KLC2: variants seen among roughly 807,000 people sequenced by gnomAD.
KLC2 encodes the protein KLC 2.
Under a neutral mutation model 75.1 loss-of-function variants are expected in KLC2, and 35 were observed. The observed-to-expected ratio is 0.47, with a 90% CI of 0.36 to 0.62. The LOEUF (loss-of-function observed/expected upper bound fraction) is 0.62. Ranked by LOEUF, KLC2 falls within the 20% of genes least tolerant of loss-of-function variation. KLC2 has a pLI of 0.00. For synonymous variants in KLC2, 314 were observed against 336.7 expected, an observed-to-expected ratio of 0.93 and a Z score of 0.74; for missense variants, 611 against 833.2, an observed-to-expected ratio of 0.73 and a Z score of 3.28.
In KLC2 at chr11:66,259,049, G is replaced by A. The variant is rs1429889510; in HGVS notation, c.228+227G>A. Among the ~76,000 whole-genome samples, 5 of 152,200 alleles carry A rather than the reference G, an allele frequency of 3.3e-5. No homozygotes were observed. In the East Asian group the frequency reaches 9.7e-4, roughly 29 times the overall value. On this transcript the variant is annotated intron_variant, in intron 2 of 15. Coordinates refer to ENST00000394067, the MANE Select transcript of KLC2 (RefSeq NM_001318734.2). ...TGCCCCCACGCAGAGCCCCATTTCCGGCTCCCCTCTACCTAAGGGAGACTG... is the reference window on the plus strand; with the variant it reads ...TGCCCCCACGCAGAGCCCCATTTCCAGCTCCCCTCTACCTAAGGGAGACTG...
chr11:66,261,686 A>G, intron 2 of KLC2, 56 bp from the exon 3 acceptor site: 1 of 1,183,980 alleles, frequency 8.4e-7, no homozygotes. Flanking sequence ...CCCAGGCTAC[A>G]GTCATAGGCG....
rs1175745995 is a variant in KLC2 at position 66,265,254 on chromosome 11, G to A, written c.1334+19G>A. Reference sequence around the variant, plus strand: ...TAGACAGGTGAGTGGGGCGGGGCTGGGCTGGGGAGCAGGGCACGGCAGGGC... The same window carrying A: ...TAGACAGGTGAGTGGGGCGGGGCTGAGCTGGGGAGCAGGGCACGGCAGGGC... On this transcript the variant is annotated intron_variant, in intron 11 of 15. Transcript: ENST00000394067. 6.5e-7 allele frequency: 1 copy of A among 1,541,054 alleles called. No homozygotes were observed. Among genetic ancestry groups the A allele is most frequent in the Non-Finnish European group, 9.0e-7 (1 of 1,113,714 alleles).
Position 66,267,550 on chromosome 11 carries a change from T to A in KLC2, c.*594T>A, listed in dbSNP as rs1856927307. ...CTCCTCCTGGCCTCTGAGGGATGCGTCCTACCCGCGCCATCGCCCCGTGGC... is the reference window on the plus strand; with the variant it reads ...CTCCTCCTGGCCTCTGAGGGATGCGACCTACCCGCGCCATCGCCCCGTGGC... On this transcript the variant is annotated 3_prime_UTR_variant, in exon 16 of 16. Coordinates refer to ENST00000394067, the MANE Select transcript of KLC2 (RefSeq NM_001318734.2). The A allele has an allele frequency of 1.6e-6, 1 of 635,920 alleles. No homozygotes were observed. The highest frequency in any genetic ancestry group is 2.5e-5 in the Admixed American group (1 of 39,350). 39.4% of individuals were successfully genotyped at this position (635,920 alleles called of 1,614,324 possible).
chr11:66,262,868 C>T lies in KLC2; in HGVS notation c.584C>T (p.Pro195Leu). Reference protein sequence around the residue: ...VSGQHGGYEIPARLRTLHNLV... With the variant: ...VSGQHGGYEILARLRTLHNLV... ...GGTCAGCATGGGGGCTACGAGATCC[C>T]GGCCCGGCTCCGCACCCTGCACAAC... The change falls in exon 5 of 16, where the codon CCG becomes CTG. Residue 195 changes from proline (P) to leucine (L), a missense_variant. Pro to Leu is a moderately conservative substitution (Grantham distance 98, BLOSUM62 -3). Transcript: ENST00000394067. The T allele has an allele frequency of 1.2e-6, 2 of 1,613,734 alleles. No individual in the cohort carries two copies. Among genetic ancestry groups the T allele is most frequent in the Non-Finnish European group, 1.7e-6 (2 of 1,179,948 alleles).
At position 66,261,758 on chromosome 11, in the gene KLC2, C is replaced by T. The variant is rs1370591011; in HGVS notation, c.245C>T (p.Ser82Leu). 3.1e-6 allele frequency: 5 copies of T among 1,611,258 alleles called. No individual in the cohort carries two copies. The East Asian group carries it at 6.7e-5, about 22-fold the overall frequency. The part of the protein sequence containing the change: ...LGEAQVILAL[S>L]SHLGAVESEK... ...GTTGCACAGGTGATCTTGGCATTGTCGAGCCACCTGGGGGCTGTAGAATCA... is the reference window on the plus strand; with the variant it reads ...GTTGCACAGGTGATCTTGGCATTGTTGAGCCACCTGGGGGCTGTAGAATCA... The change falls in exon 3 of 16, where the codon TCG becomes TTG. Residue 82 changes from serine (S) to leucine (L), a missense_variant. Coordinates refer to ENST00000394067, the MANE Select transcript of KLC2 (RefSeq NM_001318734.2).
chr11:66,262,249 T>C, intron 4 of KLC2, 57 bp downstream of exon 4: 5 of 1,397,568 alleles, frequency 3.6e-6, no homozygotes, highest in Non-Finnish European at 5.1e-6. Context: ...CTCTTGGTCC[T>C]TGGGACCGAG....
intron 8 of KLC2, 29 bp from the exon 9 acceptor site, chr11:66,264,316 C>G (rs182218275): frequency 6.3e-7 from 1 of 1,594,248 alleles, no homozygotes; most frequent in African/African-American, 1.3e-5. Context: ...GCATGCATCC[C>G]GCTCACTCTC....
At chr11:66,261,705 G>T in intron 2 of KLC2, 37 bp from the exon 3 acceptor site, 2 of 1,452,390 alleles carry the variant, frequency 1.4e-6, no homozygotes, top group South Asian at 2.4e-5. Flanking sequence ...CGAGGGGGTC[G>T]ACAGGCCTCC....
upstream of KLC2, among the ~76,000 whole-genome samples, chr11:66,253,117 G>A (rs1046853561): frequency 4.0e-5 from 6 of 151,154 alleles, no homozygotes; most frequent in Non-Finnish European, 7.4e-5. Context: ...ACAGGCAAGA[G>A]CTACCACACC....
the KLC2 span, among the ~76,000 whole-genome samples, chr11:66,245,714 CAAA>C: frequency 7.8e-6 from 1 of 128,806 alleles, no homozygotes. Context: ...GACTCCGTCT[CAAA>C]AAAAAAAAAA....
chr11:66,262,026 G>C, intron 3 of KLC2, 54 bp downstream of exon 3: 1 of 1,589,552 alleles, frequency 6.3e-7, no homozygotes, highest in Non-Finnish European at 8.6e-7. Context: ...GGAGCAGGGA[G>C]GGGCAGCATG....
chr11:66,258,357 C>G, intron 1 of KLC2: 2 of 559,562 alleles, frequency 3.6e-6, no homozygotes, highest in Admixed American at 6.4e-5. Context: ...AGCCGGTGGT[C>G]TGGGGCCGAA....
chr11:66,267,434 C>T lies in KLC2; in HGVS notation c.*478C>T, dbSNP rs978985329. ...CCTCTTCTAGTGGTACCGCCCAGGCCTTAATCACCCCCATTCCGTGCGGTG... is the reference window on the plus strand; with the variant it reads ...CCTCTTCTAGTGGTACCGCCCAGGCTTTAATCACCCCCATTCCGTGCGGTG... On this transcript the variant is annotated 3_prime_UTR_variant, in exon 16 of 16. Coordinates refer to ENST00000394067, the MANE Select transcript of KLC2 (RefSeq NM_001318734.2). 2.1e-5 allele frequency: 15 copies of T among 717,400 alleles called. No homozygotes were observed. Among genetic ancestry groups the T allele is most frequent in the Non-Finnish European group, 3.9e-5 (15 of 385,162 alleles). The allele number at this position is 717,400 out of a possible 1,614,324, so 44.4% of individuals were successfully genotyped here. A position where few individuals can be genotyped will look rare whatever the true frequency, so the allele number is the denominator to read the frequency against.
rs771634632 is a variant in KLC2 at position 66,266,222 on chromosome 11, G to A, written c.1727+5G>A. ...CCAGGAGCCCCCTAACCCCAGGTGA[G>A]CCCCCCACCAAGGTGAGCCTCAAGA... On this transcript the variant is annotated splice_donor_5th_base_variant and intron_variant, in intron 14 of 15. Transcript: ENST00000394067. 1 of 1,596,452 alleles carries A rather than the reference G, an allele frequency of 6.3e-7. No individual in the cohort carries two copies. Among genetic ancestry groups the A allele is most frequent in the Admixed American group, 1.7e-5 (1 of 58,248 alleles).
upstream of KLC2, among the ~76,000 whole-genome samples, chr11:66,256,183 C>T (rs1020002544): frequency 1.3e-5 from 2 of 151,744 alleles, no homozygotes; most frequent in African/African-American, 4.8e-5. Flanking sequence ...AGATGGAGGA[C>T]TACTTGAGAC....
Position 66,263,049 on chromosome 11 carries a change from TGG to T in KLC2, c.752+17_752+18del. The T allele has an allele frequency of 6.3e-7, 1 of 1,592,116 alleles. No homozygotes were observed. Reference sequence around the variant, plus strand: ...CACTGGTCTATCGGTGAGGACTCTCTGGGGGTGCCCAAATTCTTCTGGAAGGC... The same window carrying T: ...CACTGGTCTATCGGTGAGGACTCTCTGGGTGCCCAAATTCTTCTGGAAGGC... On this transcript the variant is annotated intron_variant, in intron 5 of 15. Coordinates refer to ENST00000394067, the MANE Select transcript of KLC2 (RefSeq NM_001318734.2).
intron 2 of KLC2, among the ~76,000 whole-genome samples, chr11:66,260,146 C>T (rs1203646409): frequency 1.3e-5 from 2 of 151,622 alleles, no homozygotes; most frequent in Admixed American, 6.6e-5. Context: ...CTGCTGTGTA[C>T]ACTTCCAGGC....
At chr11:66,244,869 C>G in the KLC2 span, 3 of 152,236 alleles carry the variant, frequency 2.0e-5, no homozygotes, top group African/African-American at 4.8e-5. Context: ...CTCCCATGTT[C>G]TCAATCATGG....
the KLC2 span, among the ~76,000 whole-genome samples, chr11:66,246,647 G>T: frequency 6.6e-6 from 1 of 152,146 alleles, no homozygotes; most frequent in Non-Finnish European, 1.5e-5. Context: ...CAGCTGCCAT[G>T]CCTTGTCTCT....
Sources: allele counts gnomAD v4.1 joint callset (sites outside exome capture counted in the v4.1 genomes callset), GRCh38; gene constraint gnomAD v4.1.1; transcripts MANE v1.5; gene names NCBI Gene and HGNC (gene_info 2026-07-23, HGNC 2026-07-21).